The following SNX10 variants were observed in gnomAD, a reference collection of about 807,000 sequenced individuals.
SNX10 encodes the protein sorting nexin-10.
SNX10 carries 25 observed loss-of-function variants against 28.5 expected under a neutral mutation model. The ratio of observed to expected loss-of-function variants is 0.88; its 90% CI spans 0.64 to 1.22. The LOEUF (loss-of-function observed/expected upper bound fraction) is 1.22. Among genes scored for constraint, SNX10 ranks in the 50% most tolerant of loss-of-function variants. The pLI, the probability that SNX10 is intolerant of heterozygous loss-of-function variation, is 0.00. For missense variants in SNX10, 223 were observed against 242.6 expected (o/e 0.92, Z 0.54); for synonymous variants, 62 against 81.4 (o/e 0.76, Z 1.28).
At position 26,329,939 on chromosome 7, in the gene SNX10, C is replaced by G. The variant is rs375078206; in HGVS notation, c.-23-16481C>G. Among the ~76,000 whole-genome samples, 14 of 151,822 alleles carry G rather than the reference C, an allele frequency of 9.2e-5. 1 individual carries two copies. The highest frequency in any genetic ancestry group is 8.5e-4 in the Admixed American group (13 of 15,238). Reference sequence around the variant, plus strand: ...GAGGGCATGTGACACAGTGGAAGGACGGGAGGTCCACAGGGAGATGGGAAG... The same window carrying G: ...GAGGGCATGTGACACAGTGGAAGGAGGGGAGGTCCACAGGGAGATGGGAAG... On this transcript the variant is annotated intron_variant, in intron 1 of 6. Coordinates refer to ENST00000338523, the MANE Select transcript of SNX10 (RefSeq NM_013322.3).
chr7:26,310,753 C>T (rs1461134589), intron 1 of SNX10, among the ~76,000 whole-genome samples: 1 of 151,490 alleles, frequency 6.6e-6, no homozygotes, highest in Non-Finnish European at 1.5e-5. Context: ...GCCATCTCGG[C>T]TCACTGCAAG....
chr7:26,348,536 C>G (rs1312521519), intron 2 of SNX10, among the ~76,000 whole-genome samples: 1 of 152,236 alleles, frequency 6.6e-6, no homozygotes, highest in Non-Finnish European at 1.5e-5. Flanking sequence ...GGTCCAAGGA[C>G]AGAGCTTCTG....
intron 1 of SNX10, among the ~76,000 whole-genome samples, chr7:26,316,904 C>T (rs1002065377): frequency 3.3e-5 from 5 of 152,144 alleles, no homozygotes; most frequent in African/African-American, 1.2e-4. Flanking sequence ...CCAGAATATA[C>T]TAGAATTTTA....
chr7:26,338,614 C>T (rs951408733), intron 1 of SNX10, among the ~76,000 whole-genome samples: 73 of 152,134 alleles, frequency 4.8e-4, no homozygotes, highest in Admixed American at 2.0e-4. Context: ...TGTTGTTAGC[C>T]AGGATGGTCT....
chr7:26,313,868 G>A (rs1584104820), intron 1 of SNX10, among the ~76,000 whole-genome samples: 1 of 151,990 alleles, frequency 6.6e-6, no homozygotes, highest in East Asian at 1.9e-4. Flanking sequence ...CAGTGGAGGC[G>A]CGATCTCGGC....
At chr7:26,313,506 C>T (rs1365303699) in intron 1 of SNX10, among the ~76,000 whole-genome samples, 4 of 152,156 alleles carry the variant, frequency 2.6e-5, no homozygotes, top group African/African-American at 9.7e-5. Flanking sequence ...ATATCTGGGA[C>T]TCTATGCAAA....
At chr7:26,334,934 C>G (rs1165947142) in intron 1 of SNX10, among the ~76,000 whole-genome samples, 1 of 152,188 alleles carries the variant, frequency 6.6e-6, no homozygotes, top group Non-Finnish European at 1.5e-5. Context: ...CAGGCCCTCC[C>G]CAAAAGCGTA....
intron 3 of SNX10, among the ~76,000 whole-genome samples, chr7:26,361,676 T>C (rs73285281): frequency 0.01 from 1,534 of 152,368 alleles, 21 homozygotes; most frequent in African/African-American, 0.034. Flanking sequence ...TCTGTAAAGG[T>C]AGTAAATATC....
At chr7:26,360,741 C>T in intron 2 of SNX10, 1 of 1,032,684 alleles carries the variant, frequency 9.7e-7, no homozygotes, top group Non-Finnish European at 1.3e-6. Context: ...TCCAGAAGTG[C>T]TCCCACCTCA....
At chr7:26,296,320 AG>A (rs1786109343) in intron 1 of SNX10, among the ~76,000 whole-genome samples, 1 of 152,076 alleles carries the variant, frequency 6.6e-6, no homozygotes, top group Non-Finnish European at 1.5e-5. Context: ...GAGGAGGCTG[AG>A]GTGGGAGGAT....
chr7:26,334,417 G>A (rs1281609103), intron 1 of SNX10, among the ~76,000 whole-genome samples: 2 of 152,150 alleles, frequency 1.3e-5, no homozygotes, highest in Non-Finnish European at 2.9e-5. Context: ...ATTCTGTTTA[G>A]TAACTGGGTT....
chr7:26,360,701 T>C, intron 2 of SNX10: 1 of 510,690 alleles, frequency 2.0e-6, no homozygotes, highest in Non-Finnish European at 3.0e-6. Context: ...TTTTACAGTA[T>C]ACTTTGTCTT....
chr7:26,296,962 A>C (rs957890776), intron 1 of SNX10, among the ~76,000 whole-genome samples: 16 of 152,372 alleles, frequency 1.1e-4, no homozygotes, highest in Admixed American at 7.2e-4. Context: ...AGTCTTGGGA[A>C]AATTGCCTCT....
chr7:26,305,601 G>T (rs953574492), intron 1 of SNX10, among the ~76,000 whole-genome samples: 2 of 152,160 alleles, frequency 1.3e-5, no homozygotes, highest in Non-Finnish European at 2.9e-5. Context: ...CAGATGATCA[G>T]ACCCTGAGAA....
At chr7:26,341,568 C>T (rs1397018189) in intron 1 of SNX10, among the ~76,000 whole-genome samples, 2 of 151,436 alleles carry the variant, frequency 1.3e-5, no homozygotes, top group African/African-American at 4.9e-5. Context: ...GATCTTGACT[C>T]ACTGCAACCT....
At chr7:26,310,647 G>C (rs1451370006) in intron 1 of SNX10, among the ~76,000 whole-genome samples, 1 of 151,278 alleles carries the variant, frequency 6.6e-6, no homozygotes, top group Admixed American at 6.6e-5. Flanking sequence ...GAGTACAGCA[G>C]CACGAGGGGA....
At chr7:26,294,364 C>T (rs781026696) in intron 1 of SNX10, among the ~76,000 whole-genome samples, 22 of 152,078 alleles carry the variant, frequency 1.4e-4, no homozygotes, top group Admixed American at 2.0e-4. Flanking sequence ...GTTTTGTTGG[C>T]GGGGCACTTA....
At chr7:26,311,129 T>TTTAA (rs1480096362) in intron 1 of SNX10, among the ~76,000 whole-genome samples, 1 of 151,782 alleles carries the variant, frequency 6.6e-6, no homozygotes, top group African/African-American at 2.4e-5. Context: ...GGGACAGTGG[T>TTTAA]TTAACATTTT....
intron 1 of SNX10, among the ~76,000 whole-genome samples, chr7:26,309,636 C>G (rs1024541429): frequency 3.3e-5 from 5 of 152,170 alleles, no homozygotes; most frequent in Admixed American, 6.6e-5. Flanking sequence ...AACTCTACCC[C>G]CAACCTTCAT....
Sources: gnomAD v4.1 joint callset for allele counts (sites outside exome capture counted in the v4.1 genomes callset) on GRCh38, gnomAD v4.1.1 for gene constraint, MANE v1.5 for transcripts, NCBI Gene and HGNC (gene_info 2026-07-23, HGNC 2026-07-21) for gene names.